Variants in PPFIBP1 observed in about 807,000 individuals in gnomAD.
The protein encoded by PPFIBP1 is PPFIB scaffold protein 1, also known as liprin-beta-1.
In PPFIBP1, 112 loss-of-function variants were observed where a neutral mutation model predicts 137.8. The observed-to-expected ratio is 0.81, with a 90% confidence interval of 0.70 to 0.95. The LOEUF (loss-of-function observed/expected upper bound fraction) is 0.95, where lower values mean the gene tolerates loss of function less well. Ranked by LOEUF, PPFIBP1 falls within the 40% of genes least tolerant of loss-of-function variation. PPFIBP1 has a pLI of 0.00. For missense variants in PPFIBP1, 1,083 were observed against 1,196.6 expected (o/e 0.91, Z 1.40); for synonymous variants, 378 against 417.3 (o/e 0.91, Z 1.15).
At chr12:27,548,564 C>G (rs1401790939) in intron 1 of PPFIBP1, 2 of 152,124 alleles carry the variant, frequency 1.3e-5, no homozygotes, top group South Asian at 2.1e-4. Flanking sequence ...GATGAGTAGA[C>G]AAAGCCAAAG....
intron 1 of PPFIBP1, among the ~76,000 whole-genome samples, chr12:27,540,251 T>TC (rs1205876920): frequency 6.6e-6 from 1 of 150,578 alleles, no homozygotes; most frequent in Non-Finnish European, 1.5e-5. Flanking sequence ...AGACTCTGTC[T>TC]CAAAATATCA....
At chr12:27,623,722 C>T (rs986049389) in intron 2 of PPFIBP1, among the ~76,000 whole-genome samples, 2 of 149,992 alleles carry the variant, frequency 1.3e-5, no homozygotes, top group African/African-American at 4.9e-5. Flanking sequence ...AAAAACAAAA[C>T]AAACAAAAAA....
intron 2 of PPFIBP1, among the ~76,000 whole-genome samples, chr12:27,622,730 G>A (rs1256267865): frequency 6.6e-6 from 1 of 152,176 alleles, no homozygotes; most frequent in Non-Finnish European, 1.5e-5. Flanking sequence ...CTAATACCTG[G>A]CGCATAGGAG....
chr12:27,603,861 T>C (rs1487985230), intron 2 of PPFIBP1, among the ~76,000 whole-genome samples: 1 of 152,146 alleles, frequency 6.6e-6, no homozygotes, highest in Admixed American at 6.5e-5. Context: ...CCATTCTAAA[T>C]TGGGTAGACA....
chr12:27,544,499 A>G (rs967512907), intron 1 of PPFIBP1, among the ~76,000 whole-genome samples: 1 of 152,208 alleles, frequency 6.6e-6, no homozygotes, highest in Non-Finnish European at 1.5e-5. Flanking sequence ...CCATCTGACA[A>G]AGGACTAATA....
intron 1 of PPFIBP1, among the ~76,000 whole-genome samples, chr12:27,576,063 A>G (rs1190043143): frequency 6.6e-6 from 1 of 152,200 alleles, no homozygotes; most frequent in Non-Finnish European, 1.5e-5. Context: ...GAATATACTC[A>G]GTGCCTGTTA....
chr12:27,676,794 C>T (rs1027531946), intron 18 of PPFIBP1, 195 bp downstream of exon 18: 1 of 688,034 alleles, frequency 1.5e-6, no homozygotes, highest in Non-Finnish European at 2.5e-6. Context: ...GACTCTCACC[C>T]TGCTCTCTCC....
intron 24 of PPFIBP1, among the ~76,000 whole-genome samples, chr12:27,684,649 T>C (rs1237756267): frequency 6.6e-6 from 1 of 152,186 alleles, no homozygotes; most frequent in African/African-American, 2.4e-5. Flanking sequence ...ATGTGTAGTA[T>C]GTTGCACATT....
chr12:27,548,055 C>T, intron 1 of PPFIBP1: 1 of 152,298 alleles, frequency 6.6e-6, no homozygotes, highest in South Asian at 2.1e-4. Flanking sequence ...GAGATTATAA[C>T]TGCTTTGTGA....
chr12:27,645,652 C>T (rs536202362), intron 4 of PPFIBP1, among the ~76,000 whole-genome samples: 16 of 152,274 alleles, frequency 1.1e-4, no homozygotes, highest in Admixed American at 3.9e-4. Context: ...GGCTAGTCTG[C>T]GCTACCAGGG....
At chr12:27,614,179 A>G (rs2055486124) in intron 2 of PPFIBP1, among the ~76,000 whole-genome samples, 1 of 151,738 alleles carries the variant, frequency 6.6e-6, no homozygotes, top group Admixed American at 6.6e-5. Context: ...CAAGTTCAAG[A>G]CCAGCCTGGG....
At chr12:27,542,547 G>A (rs913661084) in intron 1 of PPFIBP1, among the ~76,000 whole-genome samples, 1 of 152,222 alleles carries the variant, frequency 6.6e-6, no homozygotes, top group Admixed American at 6.5e-5. Flanking sequence ...TAGAAGCTCA[G>A]TAATGATTGT....
chr12:27,631,577 T>G (rs142628908), intron 2 of PPFIBP1, among the ~76,000 whole-genome samples: 299 of 152,338 alleles, frequency 2.0e-3, no homozygotes, highest in African/African-American at 6.9e-3. Flanking sequence ...GTCATCATAT[T>G]TTTATTAAAT....
In PPFIBP1 at chr12:27,663,921, A is replaced by T. The variant is rs114987333; in HGVS notation, c.907-441A>T. ...GGTCACCTTGGTAGAGTGTTTTAAG[A>T]GGGGAGAAGCCAGATGGTGATTAAT... On this transcript the variant is annotated intron_variant, in intron 11 of 29. Coordinates refer to ENST00000228425, the MANE Select transcript of PPFIBP1 (RefSeq NM_003622.4). Among the ~76,000 whole-genome samples, 388 of 152,196 alleles carry T rather than the reference A, an allele frequency of 2.5e-3. 3 individuals are homozygous for T. The highest frequency in any genetic ancestry group is 9.0e-3 in the African/African-American group (375 of 41,530).
intron 4 of PPFIBP1, among the ~76,000 whole-genome samples, chr12:27,645,605 A>T (rs2058419172): frequency 6.6e-6 from 1 of 152,236 alleles, no homozygotes. Context: ...CAAGTTAATA[A>T]GATCAGGACA....
intron 2 of PPFIBP1, among the ~76,000 whole-genome samples, chr12:27,621,638 A>G (rs147158641): frequency 0.016 from 2,436 of 152,322 alleles, 29 homozygotes; most frequent in Non-Finnish European, 0.026. Flanking sequence ...CAGTGTTGGC[A>G]TTCCTCTTAC....
chr12:27,598,342 G>A (rs370872913), intron 2 of PPFIBP1, among the ~76,000 whole-genome samples: 5 of 152,216 alleles, frequency 3.3e-5, no homozygotes, highest in Non-Finnish European at 5.9e-5. Flanking sequence ...CATGTGCAGG[G>A]GAACTCCCCT....
chr12:27,572,887 G>C (rs2050253349), intron 1 of PPFIBP1, among the ~76,000 whole-genome samples: 1 of 152,118 alleles, frequency 6.6e-6, no homozygotes, highest in South Asian at 2.1e-4. Flanking sequence ...ATTGGCTAAG[G>C]GCTATCACTT....
At chr12:27,630,221 G>C (rs2057163630) in intron 2 of PPFIBP1, among the ~76,000 whole-genome samples, 1 of 150,822 alleles carries the variant, frequency 6.6e-6, no homozygotes, top group Non-Finnish European at 1.5e-5. Context: ...ATCCAACCAG[G>C]TCAACCATAT....
Sources: gnomAD v4.1 joint callset for allele counts (sites outside exome capture counted in the v4.1 genomes callset) on GRCh38, gnomAD v4.1.1 for gene constraint, MANE v1.5 for transcripts, NCBI Gene and HGNC (gene_info 2026-07-23, HGNC 2026-07-21) for gene names.